The following GALNT11 variants were observed in gnomAD, a reference collection of about 807,000 sequenced individuals.
The protein encoded by GALNT11 is polypeptide N-acetylgalactosaminyltransferase 11.
A neutral mutation model predicts 72.7 loss-of-function variants in GALNT11; 47 were observed. The observed-to-expected ratio is 0.65, with a 90% CI of 0.51 to 0.82. GALNT11 has a LOEUF of 0.82. Ranked by LOEUF, GALNT11 falls within the 40% of genes least tolerant of loss-of-function variation. The probability of loss-of-function intolerance (pLI) is 0.00; values close to 1 mark genes in which losing one functional copy is unlikely to be tolerated. For synonymous variants in GALNT11, 270 were observed against 286.6 expected, an observed-to-expected ratio of 0.94 and a Z score of 0.58; for missense variants, 677 against 778.4, an observed-to-expected ratio of 0.87 and a Z score of 1.55.
At chr7:152,111,658 T>C (rs2088230608) in intron 7 of GALNT11, among the ~76,000 whole-genome samples, 1 of 151,342 alleles carries the variant, frequency 6.6e-6, no homozygotes, top group Non-Finnish European at 1.5e-5. Context: ...TTTTAAATTA[T>C]AAAAGTATTG....
Position 152,040,823 on chromosome 7 carries a change from C to T in GALNT11, c.-39+14939C>T, listed in dbSNP as rs189491322. On this transcript the variant is annotated intron_variant, in intron 1 of 11. Coordinates refer to ENST00000430044, the MANE Select transcript of GALNT11 (RefSeq NM_022087.4). ...CCATAGGGCATCTGAAAAACTTTAC[C>T]TTTTGAGCCAGAATAAGAAGCTTTA... Among the ~76,000 whole-genome samples, 13 of 152,294 alleles carry T rather than the reference C, an allele frequency of 8.5e-5. No individual in the cohort carries two copies. The East Asian group carries it at 2.3e-3, about 27-fold the overall frequency.
At chr7:152,109,282 A>T (rs1159874057) in intron 6 of GALNT11, among the ~76,000 whole-genome samples, 1 of 152,238 alleles carries the variant, frequency 6.6e-6, no homozygotes, top group African/African-American at 2.4e-5. Flanking sequence ...CTCAGTATCC[A>T]GTTCTAGGTT....
At chr7:152,052,729 G>A (rs907187754) in intron 1 of GALNT11, among the ~76,000 whole-genome samples, 10 of 152,132 alleles carry the variant, frequency 6.6e-5, no homozygotes, top group African/African-American at 2.2e-4. Context: ...CAGAGGTTCA[G>A]TTACTTAAAC....
chr7:152,045,424 C>G (rs561162603), intron 1 of GALNT11, among the ~76,000 whole-genome samples: 5 of 152,016 alleles, frequency 3.3e-5, no homozygotes, highest in Non-Finnish European at 5.9e-5. Context: ...TGGGGTTTTC[C>G]TTGCTGGGAG....
chr7:152,116,863 A>G, intron 8 of GALNT11: 1 of 544,872 alleles, frequency 1.8e-6, no homozygotes, highest in Admixed American at 2.3e-5. Context: ...AATAATTTGT[A>G]GGTTTCTCTG....
chr7:152,115,635 T>G (rs1376287225), intron 8 of GALNT11, among the ~76,000 whole-genome samples: 1 of 152,212 alleles, frequency 6.6e-6, no homozygotes, highest in Non-Finnish European at 1.5e-5. Context: ...TAAAACGAAC[T>G]AAATAATGAA....
At chr7:152,055,661 T>G (rs7795717) in intron 1 of GALNT11, among the ~76,000 whole-genome samples, 11,494 of 151,718 alleles carry the variant, frequency 0.076, 1,506 homozygotes, top group African/African-American at 0.26. Context: ...TCTCAAAAAC[T>G]AGAATTGGTG....
At chr7:152,068,763 C>T (rs1488208220) in intron 1 of GALNT11, among the ~76,000 whole-genome samples, 1 of 151,864 alleles carries the variant, frequency 6.6e-6, no homozygotes, top group Non-Finnish European at 1.5e-5. Flanking sequence ...TAATTTTTCT[C>T]TTACTGTTTT....
At chr7:152,041,253 G>T (rs1163578676) in intron 1 of GALNT11, among the ~76,000 whole-genome samples, 1 of 152,128 alleles carries the variant, frequency 6.6e-6, no homozygotes, top group Non-Finnish European at 1.5e-5. Flanking sequence ...TTATTATCGG[G>T]TCTCTCCACC....
chr7:152,086,243 T>G (rs1329219988), intron 1 of GALNT11, among the ~76,000 whole-genome samples: 1 of 152,128 alleles, frequency 6.6e-6, no homozygotes, highest in African/African-American at 2.4e-5. Context: ...CAGGCTGGTC[T>G]TGAACTCCAG....
rs1366655833 is a variant in GALNT11, at chr7:152,062,278, G to T, written c.-38-31912G>T. On this transcript the variant is annotated intron_variant, in intron 1 of 11. Transcript: ENST00000430044. ...CGCATGATTTGGCTGTCTGTTACTG[G>T]TGTATAAGGATCCTTGTGATTTTTG... is the stretch of plus-strand genomic sequence containing the variant. Among the ~76,000 whole-genome samples the T allele has an allele frequency of 2.0e-5, 3 of 151,664 alleles. No individual in the cohort carries two copies. In the East Asian group the frequency reaches 5.8e-4, roughly 29 times the overall value.
intron 2 of GALNT11, among the ~76,000 whole-genome samples, chr7:152,099,006 A>G (rs2086573860): frequency 6.6e-6 from 1 of 152,166 alleles, no homozygotes; most frequent in Non-Finnish European, 1.5e-5. Context: ...GTACAGTGGC[A>G]TGATCTTGGC....
intron 4 of GALNT11, chr7:152,103,498 G>C (rs1411558814): frequency 2.3e-6 from 1 of 443,506 alleles, no homozygotes; most frequent in Non-Finnish European, 4.1e-6. Context: ...TTTTTTCCGT[G>C]GCTTACTTTA....
At chr7:152,047,686 C>CTGTGTGTG (rs1563045721) in intron 1 of GALNT11, among the ~76,000 whole-genome samples, 1 of 144,588 alleles carries the variant, frequency 6.9e-6, no homozygotes, top group African/African-American at 2.9e-5. Flanking sequence ...AACAGTGACA[C>CTGTGTGTG]CGTGTGTGTG....
intron 1 of GALNT11, among the ~76,000 whole-genome samples, chr7:152,055,417 T>C (rs536167665): frequency 1.7e-4 from 26 of 152,314 alleles, no homozygotes; most frequent in African/African-American, 5.8e-4. Flanking sequence ...TCTGATGTTA[T>C]ATTTATAAAT....
Position 152,110,509 on chromosome 7 carries a change from G to A in GALNT11, c.963-19G>A, listed in dbSNP as rs769441192. The A allele has an allele frequency of 6.3e-7, 1 of 1,575,744 alleles. No individual in the cohort carries two copies. Among genetic ancestry groups the A allele is most frequent in the Non-Finnish European group, 8.7e-7 (1 of 1,147,438 alleles). ...TAACTGACTATAAGGAATGAGTACAGTAATTTTCCTTTTTCTAGGTCACCA... is the reference window on the plus strand; with the variant it reads ...TAACTGACTATAAGGAATGAGTACAATAATTTTCCTTTTTCTAGGTCACCA... On this transcript the variant is annotated intron_variant, in intron 6 of 11. Coordinates refer to ENST00000430044, the MANE Select transcript of GALNT11 (RefSeq NM_022087.4).
intron 1 of GALNT11, among the ~76,000 whole-genome samples, chr7:152,084,639 G>A (rs776364929): frequency 3.9e-5 from 6 of 152,118 alleles, no homozygotes; most frequent in Non-Finnish European, 7.4e-5. Context: ...ATTCATTTCC[G>A]AGGATGTGGT....
intron 11 of GALNT11, among the ~76,000 whole-genome samples, chr7:152,121,269 C>CA (rs1270719532): frequency 6.6e-6 from 1 of 152,226 alleles, no homozygotes; most frequent in African/African-American, 2.4e-5. Context: ...GTAATCCCAG[C>CA]ACTGAGAAGG....
rs1263119513 is a variant in GALNT11, at chr7:152,099,381, TA to T, written c.296-1416del. Among the ~76,000 whole-genome samples the T allele has an allele frequency of 4.7e-5, 7 of 148,276 alleles. No individual in the cohort carries two copies. In the East Asian group the frequency reaches 1.4e-3, roughly 29 times the overall value. ...TTATTTATTTATTTATTTATTTATT[TA>T]TTTTGAGACAAAGTCTTGCTCTGCA... On this transcript the variant is annotated intron_variant, in intron 2 of 11. Coordinates refer to ENST00000430044, the MANE Select transcript of GALNT11 (RefSeq NM_022087.4).
Sources: gnomAD v4.1 joint callset for allele counts (sites outside exome capture counted in the v4.1 genomes callset) on GRCh38, gnomAD v4.1.1 for gene constraint, MANE v1.5 for transcripts, NCBI Gene and HGNC (gene_info 2026-07-23, HGNC 2026-07-21) for gene names.